The following NGEF variants were observed in gnomAD, a reference collection of about 807,000 sequenced individuals.
NGEF encodes the protein ephexin-1.
In NGEF, 31 loss-of-function variants were observed where a neutral mutation model predicts 80.9. The ratio of observed to expected loss-of-function variants is 0.38; its 90% CI spans 0.29 to 0.52. NGEF has a LOEUF of 0.52. Among genes scored for constraint, NGEF ranks in the 20% least tolerant of loss-of-function variants. The pLI is 0.84. For synonymous variants in NGEF, 371 were observed against 370.2 expected, an observed-to-expected ratio of 1.00 and a Z score of -0.03; for missense variants, 709 against 926.2, an observed-to-expected ratio of 0.77 and a Z score of 3.04.
At chr2:232,925,087 G>A (rs185323950) in intron 4 of NGEF, among the ~76,000 whole-genome samples, 2 of 152,092 alleles carry the variant, frequency 1.3e-5, no homozygotes, top group Middle Eastern at 3.2e-3. Context: ...ACATTTAGTC[G>A]GCACAACTTT....
At chr2:232,906,628 C>CG (rs1329349422) in intron 5 of NGEF, among the ~76,000 whole-genome samples, 16 of 53,018 alleles carry the variant, frequency 3.0e-4, no homozygotes, top group Non-Finnish European at 6.0e-4. Flanking sequence ...CCGGCCACCC[C>CG]TACTGGGAAG....
chr2:232,977,247 TG>T (rs1284187257), intron 1 of NGEF, among the ~76,000 whole-genome samples: 2 of 152,034 alleles, frequency 1.3e-5, no homozygotes, highest in Non-Finnish European at 2.9e-5. Flanking sequence ...ACCAGAAAAG[TG>T]GCTGCAAGGA....
chr2:232,995,407 TAC>T lies in NGEF; in HGVS notation c.-75+17659_-75+17660del, dbSNP rs1267516124. On this transcript the variant is annotated intron_variant, in intron 1 of 14. Transcript: ENST00000264051. The stretch of plus-strand genomic sequence containing the variant: ...ATGTATACTGTATACTGTATATATA[TAC>T]ACAGTATGTATACTGTATACTGTAT... Among the ~76,000 whole-genome samples, 15 of 9,964 alleles carry T rather than the reference TAC, an allele frequency of 1.5e-3. 7 individuals carry two copies. The highest frequency in any genetic ancestry group is 2.4e-3 in the Non-Finnish European group (15 of 6,382). 6.5% of individuals were successfully genotyped at this position (9,964 alleles called of 152,430 possible).
chr2:232,901,092 T>C (rs1692341263), intron 5 of NGEF, among the ~76,000 whole-genome samples: 1 of 152,026 alleles, frequency 6.6e-6, no homozygotes, highest in African/African-American at 2.4e-5. Context: ...GCCAACCTGC[T>C]CCTGATGGAG....
intron 1 of NGEF, 40 bp downstream of exon 1, chr2:233,013,028 C>T: frequency 2.2e-6 from 1 of 458,350 alleles, no homozygotes; most frequent in South Asian, 1.6e-5. Flanking sequence ...TGTTTTATCT[C>T]ATTTTATTTT....
In NGEF at chr2:232,894,935, A is replaced by G. The variant is rs970673222; in HGVS notation, c.829-19T>C. ...ACATGGCCTGTAGCAGGGAGACCCCATGGTTACCGCCTGAAGTTGGCCTTC... is the reference window on the plus strand; with the variant it reads ...ACATGGCCTGTAGCAGGGAGACCCCGTGGTTACCGCCTGAAGTTGGCCTTC... On this transcript the variant is annotated intron_variant, in intron 5 of 14. Coordinates refer to ENST00000264051, the MANE Select transcript of NGEF (RefSeq NM_019850.3). 3.2e-6 allele frequency: 5 copies of G among 1,555,048 alleles called. No individual in the cohort carries two copies. The highest frequency in any genetic ancestry group is 3.5e-6 in the Non-Finnish European group (4 of 1,135,096).
At position 232,947,464 on chromosome 2, in the gene NGEF, A is replaced by G. The variant is rs1693583114; in HGVS notation, c.384-20278T>C. Reference sequence around the variant, plus strand: ...CTCTACCTGTTGAGGGAGGGACGTGATCAGATTATGGGGGCGATTTCCCCC... The same window carrying G: ...CTCTACCTGTTGAGGGAGGGACGTGGTCAGATTATGGGGGCGATTTCCCCC... On this transcript the variant is annotated intron_variant, in intron 3 of 14. Coordinates refer to ENST00000264051, the MANE Select transcript of NGEF (RefSeq NM_019850.3). 2.0e-5 allele frequency among the ~76,000 whole-genome samples: 3 copies of G among 152,160 alleles called. No individual in the cohort carries two copies. In the South Asian group the frequency reaches 6.2e-4, roughly 32 times the overall value.
chr2:232,978,770 A>G (rs1694348190), intron 1 of NGEF, among the ~76,000 whole-genome samples: 1 of 152,094 alleles, frequency 6.6e-6, no homozygotes, highest in South Asian at 2.1e-4. Context: ...CCCTTGCTGG[A>G]GAGCAGTGGT....
chr2:232,912,853 TC>T (rs1692718278), intron 5 of NGEF, among the ~76,000 whole-genome samples: 1 of 152,202 alleles, frequency 6.6e-6, no homozygotes, highest in African/African-American at 2.4e-5. Context: ...TCATCATGTC[TC>T]CTTTTTTGTT....
intron 3 of NGEF, among the ~76,000 whole-genome samples, chr2:232,949,013 G>A (rs1224539952): frequency 2.7e-5 from 4 of 148,388 alleles, no homozygotes; most frequent in Non-Finnish European, 4.5e-5. Flanking sequence ...GCAAGACTGC[G>A]TCTCAAAAAA....
In NGEF at chr2:232,881,138, G is replaced by T; in HGVS notation, c.1942+8C>A. The T allele has an allele frequency of 6.2e-7, 1 of 1,611,076 alleles. No individual in the cohort carries two copies. Among genetic ancestry groups the T allele is most frequent in the East Asian group, 2.2e-5 (1 of 44,868 alleles). ...TGGGGGCCCCGAGGGGAGGTCCCTG[G>T]GCCTCACCGTCGTCAGTCTTGTCCA... On this transcript the variant is annotated splice_region_variant and intron_variant, in intron 14 of 14. Transcript: ENST00000264051.
intron 1 of NGEF, among the ~76,000 whole-genome samples, chr2:233,012,357 C>T (rs1695227566): frequency 6.6e-6 from 1 of 152,236 alleles, no homozygotes; most frequent in South Asian, 2.1e-4. Flanking sequence ...TGTGTCCCTA[C>T]ACATTTCAGT....
chr2:233,003,390 CTT>C (rs1235704948), intron 1 of NGEF, among the ~76,000 whole-genome samples: 1 of 152,238 alleles, frequency 6.6e-6, no homozygotes, highest in East Asian at 1.9e-4. Flanking sequence ...TTCTCCCTCT[CTT>C]GGCTTTTCTC....
chr2:232,928,093 G>T (rs1003580778), intron 3 of NGEF: 7 of 1,083,896 alleles, frequency 6.5e-6, no homozygotes, highest in African/African-American at 1.7e-5. Flanking sequence ...GCGGAGCGGG[G>T]TCGCAGCGCG....
At chr2:233,010,100 C>T (rs1481649048) in intron 1 of NGEF, among the ~76,000 whole-genome samples, 2 of 152,046 alleles carry the variant, frequency 1.3e-5, no homozygotes, top group Non-Finnish European at 2.9e-5. Context: ...ACTATGTTGA[C>T]CAGACTGGTC....
intron 5 of NGEF, among the ~76,000 whole-genome samples, chr2:232,908,714 C>CT (rs1692630700): frequency 2.6e-5 from 4 of 151,798 alleles, no homozygotes; most frequent in East Asian, 3.9e-4. Flanking sequence ...ATCATTTGTA[C>CT]TTTTTTTGCT....
chr2:232,935,702 G>T (rs933411432), intron 3 of NGEF, among the ~76,000 whole-genome samples: 6 of 152,290 alleles, frequency 3.9e-5, no homozygotes, highest in Non-Finnish European at 8.8e-5. Context: ...ACACTATATT[G>T]TAGAAAATAA....
rs368792862 is a variant in NGEF, at chr2:232,908,332, ATATAT to A, written c.828+11947_828+11951del. Among the ~76,000 whole-genome samples, 710 of 152,266 alleles carry A rather than the reference ATATAT, an allele frequency of 4.7e-3. 3 individuals are homozygous for A. Among genetic ancestry groups the A allele is most frequent in the African/African-American group, 0.017 (687 of 41,518 alleles). ...AATAGAAGCACTAGAAAGTATACAA[ATATAT>A]TATTACTGGGGTTTTGATACAAATA... is the stretch of plus-strand genomic sequence containing the variant. On this transcript the variant is annotated intron_variant, in intron 5 of 14. Coordinates refer to ENST00000264051, the MANE Select transcript of NGEF (RefSeq NM_019850.3).
At chr2:232,916,660 A>G (rs1692809596) in intron 5 of NGEF, among the ~76,000 whole-genome samples, 1 of 152,198 alleles carries the variant, frequency 6.6e-6, no homozygotes, top group Non-Finnish European at 1.5e-5. Context: ...ACAAGATACA[A>G]TGTTTCACCC....
Sources: allele counts gnomAD v4.1 joint callset (sites outside exome capture counted in the v4.1 genomes callset), GRCh38; gene constraint gnomAD v4.1.1; transcripts MANE v1.5; gene names NCBI Gene and HGNC (gene_info 2026-07-23, HGNC 2026-07-21).